The following FOXN1 variants were observed in gnomAD, a reference collection of about 807,000 sequenced individuals.
FOXN1 encodes the protein forkhead box protein N1.
Under a neutral mutation model 49.0 loss-of-function variants are expected in FOXN1, and 15 were observed. The ratio of observed to expected loss-of-function variants is 0.31; its 90% CI spans 0.20 to 0.47. The LOEUF is 0.47. Among genes scored for constraint, FOXN1 ranks in the 20% least tolerant of loss-of-function variants. The pLI, the probability that FOXN1 is intolerant of heterozygous loss-of-function variation, is 1.00. For synonymous variants in FOXN1, 356 were observed against 369.0 expected (o/e 0.96, Z 0.40); for missense variants, 800 against 842.8 (o/e 0.95, Z 0.63).
At chr17:28,514,779 G>C (rs1351048994) in intron 1 of FOXN1, among the ~76,000 whole-genome samples, 1 of 152,158 alleles carries the variant, frequency 6.6e-6, no homozygotes, top group African/African-American at 2.4e-5. Flanking sequence ...GGAGCGTGAA[G>C]AGAGCCTGGG....
At position 28,527,381 on chromosome 17, in the gene FOXN1, G is replaced by C; in HGVS notation, c.699+20G>C. 2 of 1,421,644 alleles carry C rather than the reference G, an allele frequency of 1.4e-6. No homozygotes were observed. Among genetic ancestry groups the C allele is most frequent in the Non-Finnish European group, 2.0e-6 (2 of 1,007,302 alleles). The allele number at this position is 1,421,644 out of a possible 1,614,324, so 88.1% of individuals were successfully genotyped here. A position where few individuals can be genotyped will look rare whatever the true frequency, so the allele number is the denominator to read the frequency against. On this transcript the variant is annotated intron_variant, in intron 4 of 8. Transcript: ENST00000579795. ...CACCAGGTGGGTCTGGGGCAAGTGG[G>C]CCTGCTTCCCCCAGGTCTGAGGATA... is the stretch of plus-strand genomic sequence containing the variant.
Position 28,512,999 on chromosome 17 carries a change from C to A in FOXN1, c.-15+6556C>A, listed in dbSNP as rs184374095. Among the ~76,000 whole-genome samples the A allele has an allele frequency of 1.0e-3, 155 of 152,302 alleles. 1 individual carries two copies. Among genetic ancestry groups the A allele is most frequent in the Admixed American group, 4.5e-3 (69 of 15,296 alleles). ...TGTCTCAGAAAGGAATGGATGGAAG[C>A]TTTGAGGGGTAGCATTTCTTGTTTC... On this transcript the variant is annotated intron_variant, in intron 1 of 8. Coordinates refer to ENST00000579795, the MANE Select transcript of FOXN1 (RefSeq NM_001369369.1).
At chr17:28,508,938 A>C (rs2069327621) in intron 1 of FOXN1, among the ~76,000 whole-genome samples, 1 of 150,588 alleles carries the variant, frequency 6.6e-6, no homozygotes, top group African/African-American at 2.4e-5. Flanking sequence ...AGTTCAGAGA[A>C]AGTTCTCAGC....
intron 3 of FOXN1, among the ~76,000 whole-genome samples, chr17:28,525,519 T>C (rs2151488292): frequency 6.6e-6 from 1 of 152,300 alleles, no homozygotes; most frequent in Admixed American, 6.5e-5. Context: ...ATAAGCGGCG[T>C]GACCCTGGAC....
chr17:28,529,138 C>T lies in FOXN1; in HGVS notation c.744C>T (p.Ser248=), dbSNP rs1356159512. ...GCTACCCCATACCCTACCTGGGCTCCTCACACTATCAGTACCAGCGAATGG... is the reference window on the plus strand; with the variant it reads ...GCTACCCCATACCCTACCTGGGCTCTTCACACTATCAGTACCAGCGAATGG... ...GGSYPIPYLG[S]SHYQYQRMAP... The change falls in exon 5 of 9, where the codon TCC becomes TCT. Residue 248 remains serine (S), a synonymous_variant. Transcript: ENST00000579795. 1 of 1,614,054 alleles carries T rather than the reference C, an allele frequency of 6.2e-7. No homozygotes were observed. Among genetic ancestry groups the T allele is most frequent in the Non-Finnish European group, 8.5e-7 (1 of 1,180,036 alleles).
At chr17:28,519,309 C>T (rs1048402783) in intron 1 of FOXN1, among the ~76,000 whole-genome samples, 7 of 150,652 alleles carry the variant, frequency 4.6e-5, no homozygotes, top group South Asian at 2.1e-4. Flanking sequence ...CCAGCCTGGG[C>T]GACAGCAAGA....
intron 6 of FOXN1, among the ~76,000 whole-genome samples, chr17:28,531,612 C>T (rs2069917317): frequency 6.6e-6 from 1 of 152,136 alleles, no homozygotes; most frequent in Non-Finnish European, 1.5e-5. Context: ...CTGCGTGCCA[C>T]CTAGACCCTC....
intron 1 of FOXN1, among the ~76,000 whole-genome samples, chr17:28,510,102 T>C (rs1214915072): frequency 1.3e-5 from 2 of 152,022 alleles, no homozygotes; most frequent in African/African-American, 2.4e-5. Context: ...GATCCTCCCA[T>C]CCCCTTCCAG....
chr17:28,529,333 A>G, intron 5 of FOXN1, 109 bp downstream of exon 5: 2 of 1,364,900 alleles, frequency 1.5e-6, no homozygotes, highest in Non-Finnish European at 1.0e-6. Flanking sequence ...GCAGGTGGAA[A>G]TCATACCAGT....
intron 1 of FOXN1, among the ~76,000 whole-genome samples, chr17:28,519,236 C>T (rs973701124): frequency 6.6e-6 from 1 of 151,388 alleles, no homozygotes; most frequent in South Asian, 2.1e-4. Context: ...GAGGCTAAGG[C>T]GGGAGGATCA....
rs141948565 is a variant in FOXN1 at position 28,510,967 on chromosome 17, G to A, written c.-15+4524G>A. On this transcript the variant is annotated intron_variant, in intron 1 of 8. Transcript: ENST00000579795. ...GGATGGGCTCAGGAAAATGCCCCCA[G>A]AGCCTGCCCCTTCTCCAGGGACATG... Among the ~76,000 whole-genome samples the A allele has an allele frequency of 7.3e-3, 1,111 of 152,332 alleles. 8 individuals are homozygous for A. The highest frequency in any genetic ancestry group is 0.02 in the Middle Eastern group (6 of 294).
At chr17:28,513,041 C>G (rs560031034) in intron 1 of FOXN1, among the ~76,000 whole-genome samples, 2 of 152,282 alleles carry the variant, frequency 1.3e-5, no homozygotes, top group South Asian at 4.1e-4. Context: ...ACCAAACACC[C>G]CTTTCTTTCC....
chr17:28,529,174 C>G lies in FOXN1; in HGVS notation c.780C>G (p.Ala260=). 1.2e-6 allele frequency: 2 copies of G among 1,614,184 alleles called. No homozygotes were observed. The highest frequency in any genetic ancestry group is 1.7e-6 in the Non-Finnish European group (2 of 1,180,024). ...HYQYQRMAPQ[A]STDGHQPLFP... Reference sequence around the variant, plus strand: ...AGTACCAGCGAATGGCACCCCAGGCCAGCACCGATGGGCACCAGCCTCTCT... The same window carrying G: ...AGTACCAGCGAATGGCACCCCAGGCGAGCACCGATGGGCACCAGCCTCTCT... Residue 260 remains alanine (A), a synonymous_variant, in exon 5 of 9, where the codon GCC becomes GCG. Coordinates refer to ENST00000579795, the MANE Select transcript of FOXN1 (RefSeq NM_001369369.1).
At position 28,534,305 on chromosome 17, in the gene FOXN1, A is replaced by G. The variant is rs1567886157; in HGVS notation, c.928-26A>G. On this transcript the variant is annotated intron_variant, in intron 6 of 8. Coordinates refer to ENST00000579795, the MANE Select transcript of FOXN1 (RefSeq NM_001369369.1). This position sits in a 1 kb window ranked among gnomAD's most constrained non-coding sequence, Gnocchi z 4.1. ...CTCTGGCTTCCTGAGCCTGGCCTGA[A>G]TGCTTGTCTTGCTCTGTTCCGGCAG... is the stretch of plus-strand genomic sequence containing the variant. 6.2e-7 allele frequency: 1 copy of G among 1,614,076 alleles called. No individual in the cohort carries two copies. Among genetic ancestry groups the G allele is most frequent in the Non-Finnish European group, 8.5e-7 (1 of 1,180,010 alleles).
At chr17:28,508,143 T>TGCCA (rs1555606422) in intron 1 of FOXN1, among the ~76,000 whole-genome samples, 1 of 152,152 alleles carries the variant, frequency 6.6e-6, no homozygotes. Flanking sequence ...CTCCCGGGAA[T>TGCCA]GCCAGGGAGT....
At chr17:28,524,202 TC>T in intron 2 of FOXN1, 110 bp downstream of exon 2, 4 of 1,162,868 alleles carry the variant, frequency 3.4e-6, no homozygotes, top group Non-Finnish European at 4.8e-6. Context: ...GCCTGTCTTG[TC>T]CCCTCCACCA....
At chr17:28,513,551 C>G (rs1033359944) in intron 1 of FOXN1, among the ~76,000 whole-genome samples, 1 of 152,238 alleles carries the variant, frequency 6.6e-6, no homozygotes, top group African/African-American at 2.4e-5. Flanking sequence ...CCAGAGAGGT[C>G]AGGCTCTAGT....
At chr17:28,527,149 G>A (rs1376725668) in intron 3 of FOXN1, 102 bp from the exon 4 acceptor site, 1 of 769,786 alleles carries the variant, frequency 1.3e-6, no homozygotes, top group Non-Finnish European at 2.3e-6. Flanking sequence ...TAAGCTTTGG[G>A]GGAAGCAGAA....
chr17:28,517,195 A>ACACACCTCCACAGGG (rs2069529614), intron 1 of FOXN1, among the ~76,000 whole-genome samples: 2 of 91,138 alleles, frequency 2.2e-5, no homozygotes, highest in Non-Finnish European at 4.6e-5. Flanking sequence ...CCTCCACAGG[A>ACACACCTCCACAGGG]TACACACCTC....
Sources: allele counts gnomAD v4.1 joint callset (sites outside exome capture counted in the v4.1 genomes callset), GRCh38; gene constraint gnomAD v4.1.1; non-coding constraint Gnocchi (gnomAD v3.1); transcripts MANE v1.5; gene names NCBI Gene and HGNC (gene_info 2026-07-23, HGNC 2026-07-21).